ILDR1: variants seen among roughly 807,000 people sequenced by gnomAD.
The protein encoded by ILDR1 is immunoglobulin like domain containing receptor 1, also known as immunoglobulin-like domain-containing receptor 1.
A neutral mutation model predicts 62.4 loss-of-function variants in ILDR1; 56 were observed. That is an observed-to-expected ratio of 0.90 (90% CI 0.72 to 1.12). The LOEUF is 1.12. ILDR1 is among the 50% of genes most tolerant of loss of function. The pLI, the probability that ILDR1 is intolerant of heterozygous loss-of-function variation, is 0.00. For synonymous variants in ILDR1, 284 were observed against 277.8 expected, an observed-to-expected ratio of 1.02 and a Z score of -0.22; for missense variants, 736 against 710.6, an observed-to-expected ratio of 1.04 and a Z score of -0.41.
chr3:122,013,220 AT>A (rs1478244155), intron 1 of ILDR1, among the ~76,000 whole-genome samples: 1 of 152,180 alleles, frequency 6.6e-6, no homozygotes, highest in Non-Finnish European at 1.5e-5. Context: ...GTAGTATTAG[AT>A]TTGGCAAGAA....
chr3:122,001,601 A>G lies in ILDR1; in HGVS notation c.499+144T>C, dbSNP rs558595843. The G allele has an allele frequency of 4.3e-5, 64 of 1,479,612 alleles. No homozygotes were observed. The East Asian group carries it at 1.4e-3, about 33-fold the overall frequency. 91.7% of individuals were successfully genotyped at this position (1,479,612 alleles called of 1,614,324 possible). On this transcript the variant is annotated intron_variant, in intron 4 of 7. Coordinates refer to ENST00000344209, the MANE Select transcript of ILDR1 (RefSeq NM_001199799.2). ...TATACTGGCAAAAAGGTAAAAGTTT[A>G]GCTTTGATAAGGGAACTTTAGAGGT... is the stretch of plus-strand genomic sequence containing the variant.
chr3:122,029,511 A>AAATATATAT, the ILDR1 span, among the ~76,000 whole-genome samples: 1 of 139,478 alleles, frequency 7.2e-6, no homozygotes, highest in African/African-American at 2.8e-5. Context: ...GTCTAAAAAA[A>AAATATATAT]ATATATATAT....
In ILDR1 at chr3:121,993,249, G is replaced by A. The variant is rs201639358; in HGVS notation, c.1500C>T (p.His500=). 2.5e-6 allele frequency: 4 copies of A among 1,613,824 alleles called. No homozygotes were observed. The highest frequency in any genetic ancestry group is 1.7e-5 in the Admixed American group (1 of 60,022). Reference sequence around the variant, plus strand: ...GCTTCTCCTCGGGCCAGTGTGGGGAGTGCGAGCCGCGGCGGTGGGCCCGCC... The same window carrying A: ...GCTTCTCCTCGGGCCAGTGTGGGGAATGCGAGCCGCGGCGGTGGGCCCGCC... ...QSWRAHRRGS[H]SPHWPEEKPP... is the part of the protein sequence containing the mutation. The change falls in exon 7 of 8, where the codon CAC becomes CAT. Residue 500 remains histidine, a synonymous_variant. Transcript: ENST00000344209.
the ILDR1 span, among the ~76,000 whole-genome samples, chr3:122,028,202 G>A: frequency 2.0e-4 from 30 of 151,874 alleles, no homozygotes; most frequent in Non-Finnish European, 3.1e-4. Context: ...TGGGCGTGGT[G>A]GCGGGCGCCT....
chr3:122,061,153 C>T, the ILDR1 span, among the ~76,000 whole-genome samples: 28 of 152,226 alleles, frequency 1.8e-4, no homozygotes, highest in Admixed American at 1.3e-3. Context: ...AGTCAATACA[C>T]GCCAGAAAAT....
At chr3:122,007,318 A>G (rs1254750386) in intron 1 of ILDR1, 157 bp from the exon 2 acceptor site, 3 of 1,529,504 alleles carry the variant, frequency 2.0e-6, no homozygotes, top group Admixed American at 3.9e-5. Context: ...TGGGCAGGCT[A>G]TGGGTGGGGT....
rs1199560345 is a variant in ILDR1 at position 122,007,036 on chromosome 3, A to G, written c.184T>C (p.Phe62Leu). The G allele has an allele frequency of 1.9e-6, 3 of 1,613,636 alleles. No individual in the cohort carries two copies. The East Asian group carries it at 6.7e-5, about 36-fold the overall frequency. Reference sequence around the variant, plus strand: ...ATAGGGTCCTTGCAGAAGGACTTGAAGCGCCATGTCACCACCACGTCCTGG... The same window carrying G: ...ATAGGGTCCTTGCAGAAGGACTTGAGGCGCCATGTCACCACCACGTCCTGG... ...QLQDVVVTWR[F>L]KSFCKDPIFD... The change falls in exon 2 of 8, where the codon TTC (phenylalanine) becomes CTC (leucine). Residue 62 changes from phenylalanine to leucine, a missense_variant. By Grantham distance (22) the Phe-to-Leu change is conservative. Transcript: ENST00000344209.
the ILDR1 span, among the ~76,000 whole-genome samples, chr3:122,037,250 G>A: frequency 6.6e-6 from 1 of 152,280 alleles, no homozygotes; most frequent in Admixed American, 6.5e-5. Context: ...CAGAATGGTA[G>A]GCCCACCAAC....
the ILDR1 span, among the ~76,000 whole-genome samples, chr3:122,053,681 T>G: frequency 6.6e-6 from 1 of 152,182 alleles, no homozygotes; most frequent in Non-Finnish European, 1.5e-5. Flanking sequence ...CAGCCAGCTT[T>G]CACAGTGTAT....
At chr3:122,021,524 A>G (rs2071854758) in intron 1 of ILDR1, among the ~76,000 whole-genome samples, 2 of 152,208 alleles carry the variant, frequency 1.3e-5, no homozygotes, top group African/African-American at 4.8e-5. Context: ...GACATTGAAC[A>G]TGGTTAGCCC....
rs1380683803 is a variant in ILDR1, at chr3:122,021,988, T to TCCAG, written c.58+28_58+31dup. ...CACAATGGCTTCCTGTCTCCTTGGG[T>TCCAG]CCAGGGTGGGTACCATTTTTCCAAG... is the stretch of plus-strand genomic sequence containing the variant. On this transcript the variant is annotated intron_variant, in intron 1 of 7. Transcript: ENST00000344209. The TCCAG allele has an allele frequency of 7.5e-6, 12 of 1,594,906 alleles. No homozygotes were observed. The South Asian group carries it at 1.4e-4, about 18-fold the overall frequency.
chr3:122,014,114 T>C (rs1576734033), intron 1 of ILDR1, among the ~76,000 whole-genome samples: 1 of 152,252 alleles, frequency 6.6e-6, no homozygotes, highest in Admixed American at 6.5e-5. Flanking sequence ...ATTTAACCCT[T>C]TGAGGAATAT....
intron 2 of ILDR1, 63 bp from the exon 3 acceptor site, chr3:122,005,456 C>G (rs1381822598): frequency 6.3e-7 from 1 of 1,584,394 alleles, no homozygotes; most frequent in African/African-American, 1.3e-5. Flanking sequence ...AAAAAGGTTC[C>G]CTTCCTGCTC....
the ILDR1 span, among the ~76,000 whole-genome samples, chr3:122,055,699 T>TTA: frequency 6.6e-6 from 1 of 152,204 alleles, no homozygotes; most frequent in East Asian, 1.9e-4. Flanking sequence ...TTGGTGGTAG[T>TTA]TATATATATT....
intron 1 of ILDR1, among the ~76,000 whole-genome samples, chr3:122,015,425 C>T (rs1246714820): frequency 6.6e-6 from 1 of 152,172 alleles, no homozygotes; most frequent in Non-Finnish European, 1.5e-5. Context: ...TGTCCCCACC[C>T]AAATCTCATC....
rs138709949 is a variant in ILDR1 at position 122,007,038 on chromosome 3, C to T, written c.182G>A (p.Arg61His). The T allele has an allele frequency of 1.6e-5, 26 of 1,613,626 alleles. No homozygotes were observed. The highest frequency in any genetic ancestry group is 1.7e-4 in the Middle Eastern group (1 of 5,818). Residue 61 changes from arginine to histidine, a missense_variant, in exon 2 of 8, where the codon CGC becomes CAC. Transcript: ENST00000344209. The part of the protein sequence containing the change: ...AQLQDVVVTW[R>H]FKSFCKDPIF... ...AGGGTCCTTGCAGAAGGACTTGAAG[C>T]GCCATGTCACCACCACGTCCTGGAG...
intron 1 of ILDR1, among the ~76,000 whole-genome samples, chr3:122,009,045 C>T (rs1030538005): frequency 1.3e-5 from 2 of 151,556 alleles, no homozygotes; most frequent in African/African-American, 4.9e-5. Context: ...GTGATCCTCC[C>T]ATCTCAGCCT....
chr3:122,028,190 G>T, the ILDR1 span, among the ~76,000 whole-genome samples: 1 of 151,124 alleles, frequency 6.6e-6, no homozygotes, highest in African/African-American at 2.5e-5. Context: ...AAAAAAATTA[G>T]CTGGGCGTGG....
chr3:122,024,090 T>C (rs545239501), upstream of ILDR1, among the ~76,000 whole-genome samples: 31 of 151,650 alleles, frequency 2.0e-4, no homozygotes, highest in African/African-American at 7.3e-4. Context: ...ATTTCTCCCA[T>C]GTTTGTTCCG....
Sources: gnomAD v4.1 joint callset for allele counts (sites outside exome capture counted in the v4.1 genomes callset) on GRCh38, gnomAD v4.1.1 for gene constraint, MANE v1.5 for transcripts, NCBI Gene and HGNC (gene_info 2026-07-23, HGNC 2026-07-21) for gene names.